The following PPARD variants were observed in gnomAD, a reference collection of about 807,000 sequenced individuals.
PPARD encodes the protein peroxisome proliferator-activated receptor delta.
In PPARD, 6 loss-of-function variants were observed where a neutral mutation model predicts 39.5. The observed-to-expected ratio is 0.15, with a 90% CI of 0.08 to 0.30. The LOEUF (loss-of-function observed/expected upper bound fraction) is 0.30, where lower values mean the gene tolerates loss of function less well. Among genes scored for constraint, PPARD ranks in the 10% least tolerant of loss-of-function variants. PPARD has a pLI of 1.00. For missense variants in PPARD, 397 were observed against 596.8 expected (o/e 0.67, Z 3.49); for synonymous variants, 210 against 231.3 (o/e 0.91, Z 0.83).
intron 2 of PPARD, among the ~76,000 whole-genome samples, chr6:35,355,784 TG>T (rs943943178): frequency 1.3e-5 from 2 of 151,314 alleles, no homozygotes; most frequent in African/African-American, 4.9e-5. Flanking sequence ...GCTAATTTTT[TG>T]TATTTTTGGT....
At chr6:35,376,397 C>T (rs970048548) in intron 2 of PPARD, among the ~76,000 whole-genome samples, 1 of 151,906 alleles carries the variant, frequency 6.6e-6, no homozygotes, top group African/African-American at 2.4e-5. Flanking sequence ...TGTGTAGTTT[C>T]TTTGAGACTG....
intron 2 of PPARD, 98 bp downstream of exon 2, chr6:35,347,248 C>T (rs1023735307): frequency 3.6e-6 from 5 of 1,401,830 alleles, no homozygotes; most frequent in Non-Finnish European, 4.9e-6. Flanking sequence ...TTCACTAGGG[C>T]TTATTCCCAG....
chr6:35,402,716 C>T (rs76254341), intron 2 of PPARD, among the ~76,000 whole-genome samples: 13,436 of 152,140 alleles, frequency 0.088, 1,561 homozygotes, highest in African/African-American at 0.27. Flanking sequence ...GAAGGCCACC[C>T]GGGCTTCTCC....
At chr6:35,400,436 A>G (rs1306555903) in intron 2 of PPARD, among the ~76,000 whole-genome samples, 12 of 152,200 alleles carry the variant, frequency 7.9e-5, no homozygotes, top group Non-Finnish European at 1.5e-4. Flanking sequence ...CAGGAACTTA[A>G]GAGTCTCATG....
chr6:35,388,042 A>T (rs1262062764), intron 2 of PPARD, among the ~76,000 whole-genome samples: 5 of 142,704 alleles, frequency 3.5e-5, no homozygotes, highest in South Asian at 2.3e-4. Context: ...TTTTTTTTTT[A>T]AAGCTTTTTT....
rs767799861 is a variant in PPARD at position 35,424,799 on chromosome 6, G to C, written c.1078+20G>C. The C allele has an allele frequency of 6.2e-7, 1 of 1,608,450 alleles. No homozygotes were observed. Among genetic ancestry groups the C allele is most frequent in the Non-Finnish European group, 8.5e-7 (1 of 1,176,354 alleles). On this transcript the variant is annotated intron_variant, in intron 7 of 7. Coordinates refer to ENST00000360694, the MANE Select transcript of PPARD (RefSeq NM_006238.5). This position sits in a 1 kb window ranked among gnomAD's most constrained non-coding sequence, Gnocchi z 7.1. ...GTGGAGGTGAGTGAGAGTGGGGCAG[G>C]TGGGCTGGCCTGGCACACCCAGTCG...
rs906559829 is a variant in PPARD, at chr6:35,363,334, A to G, written c.-102+16184A>G. Among the ~76,000 whole-genome samples, 3 of 152,060 alleles carry G rather than the reference A, an allele frequency of 2.0e-5. No homozygotes were observed. Among genetic ancestry groups the G allele is most frequent in the African/African-American group, 7.2e-5 (3 of 41,390 alleles). ...TGTGCGTTCCTGTGGGCCTGCCTGG[A>G]TCATATCTGTTCTGCTGTGATCCCA... On this transcript the variant is annotated intron_variant, in intron 2 of 7. Transcript: ENST00000360694. This position sits in a 1 kb window ranked among gnomAD's most constrained non-coding sequence, Gnocchi z 4.5.
rs1766672904 is a variant in PPARD at position 35,427,743 on chromosome 6, G to C, written c.*1664G>C. The C allele has an allele frequency of 6.6e-6, 1 of 152,510 alleles. No homozygotes were observed. The allele number at this position is 152,510 out of a possible 1,614,324, so 9.4% of individuals were successfully genotyped here. On this transcript the variant is annotated 3_prime_UTR_variant, in exon 8 of 8. Transcript: ENST00000360694. ...TCAGAGCACAGAGGTAGGAGAACTGGGGTTCAAGCCCAGGCTTCCTGGGTC... is the reference window on the plus strand; with the variant it reads ...TCAGAGCACAGAGGTAGGAGAACTGCGGTTCAAGCCCAGGCTTCCTGGGTC...
In PPARD at chr6:35,426,331, C is replaced by T. The variant is rs1251224646; in HGVS notation, c.*252C>T. 1.6e-5 allele frequency: 9 copies of T among 563,078 alleles called. No homozygotes were observed. Among genetic ancestry groups the T allele is most frequent in the African/African-American group, 3.8e-5 (2 of 53,068 alleles). The allele number at this position is 563,078 out of a possible 1,614,324, so 34.9% of individuals were successfully genotyped here. On this transcript the variant is annotated 3_prime_UTR_variant, in exon 8 of 8. Transcript: ENST00000360694. ...CCTCTTTCTTTTCTAATTCCTGTTG[C>T]TCTGTTTCTTCCTTTCTGTAGGTTT...
Position 35,425,534 on chromosome 6 carries a change from T to A in PPARD, c.1079-298T>A, listed in dbSNP as rs151150284. 78 of 833,156 alleles carry A rather than the reference T, an allele frequency of 9.4e-5. No homozygotes were observed. The Middle Eastern group carries it at 1.2e-3, about 13-fold the overall frequency. 51.6% of individuals were successfully genotyped at this position (833,156 alleles called of 1,614,324 possible). A position where few individuals can be genotyped will look rare whatever the true frequency, so the allele number is the denominator to read the frequency against. ...TACACATCAGAGAGGCTGAATGACC[T>A]GCCTATAGCCTCACAGGCAGACACA... is the stretch of plus-strand genomic sequence containing the variant. On this transcript the variant is annotated intron_variant, in intron 7 of 7. Transcript: ENST00000360694. The surrounding 1 kb of genome is among the most constrained non-coding windows in gnomAD (Gnocchi z 4.5).
chr6:35,376,585 G>A (rs113294430), intron 2 of PPARD, among the ~76,000 whole-genome samples: 1,924 of 152,250 alleles, frequency 0.013, 52 homozygotes, highest in African/African-American at 0.043. Flanking sequence ...AGAGCAGCTT[G>A]TTTGCCTCTG....
intron 2 of PPARD, among the ~76,000 whole-genome samples, chr6:35,395,846 A>G (rs534334199): frequency 6.6e-6 from 1 of 152,234 alleles, no homozygotes; most frequent in South Asian, 2.1e-4. Context: ...CCATGTTCCA[A>G]TTTTCTCATC....
At chr6:35,417,000 A>T (rs1412666908) in intron 3 of PPARD, among the ~76,000 whole-genome samples, 1 of 151,738 alleles carries the variant, frequency 6.6e-6, no homozygotes, top group Non-Finnish European at 1.5e-5. Flanking sequence ...TTTTTGAGAC[A>T]AGGTCTTGTT....
intron 2 of PPARD, among the ~76,000 whole-genome samples, chr6:35,384,229 C>T: frequency 7.2e-6 from 1 of 138,164 alleles, no homozygotes; most frequent in Non-Finnish European, 1.6e-5. Context: ...GGTCAGCCCC[C>T]CGCCCGGCCA....
rs1766388487 is a variant in PPARD at position 35,423,933 on chromosome 6, C to A, written c.425-13C>A. 1 of 1,613,426 alleles carries A rather than the reference C, an allele frequency of 6.2e-7. No homozygotes were observed. The highest frequency in any genetic ancestry group is 1.3e-5 in the African/African-American group (1 of 74,902). ...GCCTGGGCTCCTTGCTGACTGCCCCCTTCCCTGTGCAGCTATCCGTTTTGG... is the reference window on the plus strand; with the variant it reads ...GCCTGGGCTCCTTGCTGACTGCCCCATTCCCTGTGCAGCTATCCGTTTTGG... On this transcript the variant is annotated splice_polypyrimidine_tract_variant and intron_variant, in intron 5 of 7. Coordinates refer to ENST00000360694, the MANE Select transcript of PPARD (RefSeq NM_006238.5).
chr6:35,416,794 G>A (rs1765801295), intron 3 of PPARD, among the ~76,000 whole-genome samples: 1 of 152,150 alleles, frequency 6.6e-6, no homozygotes, highest in Admixed American at 6.5e-5. Flanking sequence ...GTGAGTGATG[G>A]CTCCTTCCAA....
intron 3 of PPARD, among the ~76,000 whole-genome samples, chr6:35,414,586 A>G (rs539919504): frequency 3.3e-5 from 5 of 152,270 alleles, no homozygotes; most frequent in African/African-American, 1.2e-4. Flanking sequence ...AGCCCTCGCC[A>G]GTGCCATCAC....
In PPARD at chr6:35,388,393, A is replaced by G. The variant is rs538673258; in HGVS notation, c.-101-22594A>G. On this transcript the variant is annotated intron_variant, in intron 2 of 7. Transcript: ENST00000360694. ...GAAGGGGAGAGCTTCCGGGAAGGGGATGGAACTTGAGCCAAACCTTTTTCT... is the reference window on the plus strand; with the variant it reads ...GAAGGGGAGAGCTTCCGGGAAGGGGGTGGAACTTGAGCCAAACCTTTTTCT... Among the ~76,000 whole-genome samples the G allele has an allele frequency of 1.1e-3, 168 of 152,056 alleles. 1 individual carries two copies. The highest frequency in any genetic ancestry group is 7.9e-4 in the Non-Finnish European group (54 of 67,990).
At chr6:35,365,130 C>CCTTTTTTTTTTTTTTTTTTTT (rs1281072287) in intron 2 of PPARD, among the ~76,000 whole-genome samples, 1 of 121,086 alleles carries the variant, frequency 8.3e-6, no homozygotes, top group African/African-American at 3.4e-5. Context: ...CTTCCTTATT[C>CCTTTTTTTTTTTTTTTTTTTT]TTTTTTTTTT....
Sources: allele counts gnomAD v4.1 joint callset (sites outside exome capture counted in the v4.1 genomes callset), GRCh38; gene constraint gnomAD v4.1.1; non-coding constraint Gnocchi (gnomAD v3.1); transcripts MANE v1.5; gene names NCBI Gene and HGNC (gene_info 2026-07-23, HGNC 2026-07-21).